GRIA1: variants seen among roughly 807,000 people sequenced by gnomAD.
GRIA1 encodes glutamate ionotropic receptor AMPA type subunit 1.
In GRIA1, 31 loss-of-function variants were observed where a neutral mutation model predicts 99.2. That is an observed-to-expected ratio of 0.31 (90% CI 0.23 to 0.42). GRIA1 has a LOEUF of 0.42. Among genes scored for constraint, GRIA1 ranks in the 10% least tolerant of loss-of-function variants. The pLI is 1.00. For synonymous variants in GRIA1, 438 were observed against 432.4 expected, an observed-to-expected ratio of 1.01 and a Z score of -0.16; for missense variants, 782 against 1,157.5, an observed-to-expected ratio of 0.68 and a Z score of 4.71.
At chr5:153,634,958 A>G (rs1753241915) in intron 2 of GRIA1, among the ~76,000 whole-genome samples, 1 of 152,092 alleles carries the variant, frequency 6.6e-6, no homozygotes, top group Non-Finnish European at 1.5e-5. Flanking sequence ...TTTATCCTTC[A>G]TTTTTGTCCT....
At chr5:153,684,685 G>A (rs990469795) in intron 7 of GRIA1, among the ~76,000 whole-genome samples, 1 of 152,214 alleles carries the variant, frequency 6.6e-6, no homozygotes, top group Non-Finnish European at 1.5e-5. Context: ...AGATTGGCAA[G>A]AGATTACTGA....
chr5:153,641,843 T>A (rs1193700162), intron 2 of GRIA1, among the ~76,000 whole-genome samples: 1 of 152,212 alleles, frequency 6.6e-6, no homozygotes, highest in African/African-American at 2.4e-5. Flanking sequence ...TAACATAGCA[T>A]GTAGACTGAA....
intron 2 of GRIA1, among the ~76,000 whole-genome samples, chr5:153,588,472 G>T (rs966918099): frequency 5.9e-5 from 9 of 152,214 alleles, no homozygotes; most frequent in Non-Finnish European, 1.0e-4. Flanking sequence ...TAAACTTTCA[G>T]CTGTCACTTC....
chr5:153,732,266 T>TG (rs58236921), intron 11 of GRIA1, among the ~76,000 whole-genome samples: 81,745 of 151,858 alleles, frequency 0.54, 23,160 homozygotes, highest in East Asian at 0.94. Flanking sequence ...TGGAGTGTAT[T>TG]TAGTTTTATT....
At chr5:153,643,859 T>G (rs1173772604) in intron 2 of GRIA1, among the ~76,000 whole-genome samples, 1 of 152,220 alleles carries the variant, frequency 6.6e-6, no homozygotes, top group East Asian at 1.9e-4. Flanking sequence ...GGATTTGTTG[T>G]GTCTGCCTGC....
intron 2 of GRIA1, among the ~76,000 whole-genome samples, chr5:153,529,290 T>C (rs2113420578): frequency 6.6e-6 from 1 of 152,302 alleles, no homozygotes; most frequent in East Asian, 1.9e-4. Context: ...GAACTTAAGC[T>C]AACAAATGAT....
In GRIA1 at chr5:153,646,973, A is replaced by G; in HGVS notation, c.266A>G (p.Tyr89Cys). ...SKGVYAIFGF[Y>C]ERRTVNMLTS... ...GGAGTCTATGCCATCTTTGGGTTTT[A>G]TGAACGTAGGACTGTCAACATGCTG... is the stretch of plus-strand genomic sequence containing the variant. Residue 89 changes from tyrosine (Y) to cysteine (C), a missense_variant, in exon 3 of 16, where the codon TAT becomes TGT. Coordinates refer to ENST00000285900, the MANE Select transcript of GRIA1 (RefSeq NM_000827.4). 1.2e-6 allele frequency: 2 copies of G among 1,613,856 alleles called. No individual in the cohort carries two copies. The highest frequency in any genetic ancestry group is 1.7e-6 in the Non-Finnish European group (2 of 1,179,824).
intron 13 of GRIA1, among the ~76,000 whole-genome samples, chr5:153,794,343 AG>A (rs1765500335): frequency 6.6e-6 from 1 of 152,242 alleles, no homozygotes; most frequent in Non-Finnish European, 1.5e-5. Flanking sequence ...AAAAGCAGAC[AG>A]GAGGGGAAAA....
rs554539049 is a variant in GRIA1 at position 153,500,991 on chromosome 5, T to C, written c.220+6926T>C. ...GAGTCCTTCTGGGGCTGTATTTCTATGCTGGCAGCATATGGAAAACACCAG... is the reference window on the plus strand; with the variant it reads ...GAGTCCTTCTGGGGCTGTATTTCTACGCTGGCAGCATATGGAAAACACCAG... On this transcript the variant is annotated intron_variant, in intron 2 of 15. Coordinates refer to ENST00000285900, the MANE Select transcript of GRIA1 (RefSeq NM_000827.4). Among the ~76,000 whole-genome samples the C allele has an allele frequency of 4.8e-4, 73 of 152,282 alleles. No homozygotes were observed. The South Asian group carries it at 0.013, about 28-fold the overall frequency.
chr5:153,653,203 G>A (rs1325233650), intron 4 of GRIA1, among the ~76,000 whole-genome samples: 7 of 152,136 alleles, frequency 4.6e-5, no homozygotes, highest in Non-Finnish European at 8.8e-5. Flanking sequence ...AATCAATGAA[G>A]CCTCTAAGAA....
chr5:153,657,257 C>T (rs1344476749), intron 5 of GRIA1, among the ~76,000 whole-genome samples: 5 of 152,220 alleles, frequency 3.3e-5, no homozygotes, highest in Middle Eastern at 3.4e-3. Context: ...TTGAGGAACT[C>T]CAAAATTATT....
chr5:153,538,920 T>C (rs931416561), intron 2 of GRIA1, among the ~76,000 whole-genome samples: 7 of 152,224 alleles, frequency 4.6e-5, no homozygotes, highest in South Asian at 2.1e-4. Flanking sequence ...TCCTAGCATG[T>C]GTAATTCCAA....
intron 2 of GRIA1, among the ~76,000 whole-genome samples, chr5:153,621,927 G>T (rs893731399): frequency 3.3e-5 from 5 of 152,278 alleles, no homozygotes; most frequent in African/African-American, 9.6e-5. Context: ...ACTTTAATGA[G>T]AATTGGTTGC....
At chr5:153,548,647 G>T (rs72800766) in intron 2 of GRIA1, among the ~76,000 whole-genome samples, 7,629 of 152,236 alleles carry the variant, frequency 0.05, 263 homozygotes, top group Non-Finnish European at 0.076. Flanking sequence ...GTTATAAAAA[G>T]CAGTATCCTT....
At position 153,704,021 on chromosome 5, in the gene GRIA1, AG is replaced by A. The variant is rs1331169160; in HGVS notation, c.1453-1672del. On this transcript the variant is annotated intron_variant, in intron 10 of 15. Coordinates refer to ENST00000285900, the MANE Select transcript of GRIA1 (RefSeq NM_000827.4). The stretch of plus-strand genomic sequence containing the variant: ...TACCAAGATTTATGCAGTGGGTATT[AG>A]GGGAAAAAACAGAATTGCTATGAAA... 3.3e-5 allele frequency among the ~76,000 whole-genome samples: 5 copies of A among 152,226 alleles called. No homozygotes were observed. In the South Asian group the frequency reaches 8.3e-4, roughly 25 times the overall value.
intron 7 of GRIA1, among the ~76,000 whole-genome samples, chr5:153,684,883 G>A (rs1350734463): frequency 6.6e-6 from 1 of 152,086 alleles, no homozygotes; most frequent in Non-Finnish European, 1.5e-5. Context: ...AGTGCTCTGG[G>A]CCTGTTGTGA....
chr5:153,641,322 C>T (rs1017631867), intron 2 of GRIA1, among the ~76,000 whole-genome samples: 1 of 152,126 alleles, frequency 6.6e-6, no homozygotes, highest in African/African-American at 2.4e-5. Flanking sequence ...CAGGAGTTCC[C>T]TCCCTGGGAG....
In GRIA1 at chr5:153,621,877, G is replaced by A. The variant is rs541581219; in HGVS notation, c.221-25051G>A. Among the ~76,000 whole-genome samples, 11 of 152,240 alleles carry A rather than the reference G, an allele frequency of 7.2e-5. No homozygotes were observed. The South Asian group carries it at 2.3e-3, about 32-fold the overall frequency. Reference sequence around the variant, plus strand: ...GAAGCCTTGCTTTTTCATTCCTTCAGCAAGGTCCTACAGCTGATATTTATG... The same window carrying A: ...GAAGCCTTGCTTTTTCATTCCTTCAACAAGGTCCTACAGCTGATATTTATG... On this transcript the variant is annotated intron_variant, in intron 2 of 15. Transcript: ENST00000285900.
intron 11 of GRIA1, among the ~76,000 whole-genome samples, chr5:153,747,821 C>A (rs1233957829): frequency 2.6e-5 from 4 of 152,240 alleles, no homozygotes; most frequent in Non-Finnish European, 5.9e-5. Flanking sequence ...AGCACTTAAT[C>A]AGTGACCATC....
Sources: gnomAD v4.1 joint callset for allele counts (sites outside exome capture counted in the v4.1 genomes callset) on GRCh38, gnomAD v4.1.1 for gene constraint, MANE v1.5 for transcripts, NCBI Gene and HGNC (gene_info 2026-07-23, HGNC 2026-07-21) for gene names.